Variants in RGS7 observed in about 807,000 individuals in gnomAD.
RGS7 encodes regulator of G protein signaling 7, also known as regulator of G-protein signaling 7.
Under a neutral mutation model 81.1 loss-of-function variants are expected in RGS7, and 27 were observed. The ratio of observed to expected loss-of-function variants is 0.33; its 90% CI spans 0.25 to 0.46. The LOEUF is 0.46. RGS7 is among the 20% of genes least tolerant of loss of function. RGS7 has a pLI of 1.00. For synonymous variants in RGS7, 208 were observed against 207.7 expected, an observed-to-expected ratio of 1.00 and a Z score of -0.01; for missense variants, 396 against 607.4, an observed-to-expected ratio of 0.65 and a Z score of 3.66.
intron 14 of RGS7, among the ~76,000 whole-genome samples, chr1:240,810,473 G>A (rs1485110999): frequency 3.0e-5 from 4 of 131,708 alleles, no homozygotes; most frequent in Non-Finnish European, 6.3e-5. Context: ...TTGAGACAGA[G>A]TCTTGCTCTG....
At chr1:241,265,654 G>A (rs1018417879) in intron 2 of RGS7, among the ~76,000 whole-genome samples, 29 of 152,100 alleles carry the variant, frequency 1.9e-4, no homozygotes, top group African/African-American at 2.4e-5. Flanking sequence ...GCCACAGAGG[G>A]CAGATACAAA....
chr1:240,831,198 T>A (rs1693774627), intron 9 of RGS7, among the ~76,000 whole-genome samples: 3 of 152,112 alleles, frequency 2.0e-5, no homozygotes, highest in Admixed American at 2.0e-4. Flanking sequence ...GCCCTGTAAT[T>A]TCTAATGAGG....
At chr1:241,249,328 A>G (rs1053849229) in intron 2 of RGS7, among the ~76,000 whole-genome samples, 5 of 149,888 alleles carry the variant, frequency 3.3e-5, no homozygotes, top group Non-Finnish European at 7.4e-5. Context: ...TTGGCATTTG[A>G]CTATACCTAA....
In RGS7 at chr1:241,311,693, T is replaced by A. The variant is rs142278768; in HGVS notation, c.78+44006A>T. Reference sequence around the variant, plus strand: ...TTTTTCATTCACTCACAAATGAAACTATGCATAAACAATCACGAAATTCAC... The same window carrying A: ...TTTTTCATTCACTCACAAATGAAACAATGCATAAACAATCACGAAATTCAC... On this transcript the variant is annotated intron_variant, in intron 2 of 18. Transcript: ENST00000440928. 2.2e-4 allele frequency among the ~76,000 whole-genome samples: 33 copies of A among 152,324 alleles called. 1 individual carries two copies. The highest frequency in any genetic ancestry group is 7.2e-4 in the African/African-American group (30 of 41,580).
chr1:241,351,047 A>G (rs768910629), intron 2 of RGS7, among the ~76,000 whole-genome samples: 24 of 152,076 alleles, frequency 1.6e-4, no homozygotes, highest in African/African-American at 5.6e-4. Context: ...CAGCGTAAGT[A>G]CTCTTCCTGG....
rs914679938 is a variant in RGS7 at position 240,868,566 on chromosome 1, G to A, written c.609+21C>T. On this transcript the variant is annotated intron_variant, in intron 9 of 18. Coordinates refer to ENST00000440928, the MANE Select transcript of RGS7 (RefSeq NM_001364886.1). This position sits in a 1 kb window ranked among gnomAD's most constrained non-coding sequence, Gnocchi z 5.1. ...CAGACGGAGAAGATGGATTCAAGAC[G>A]AGAGTGCGACGCTTGCTTACCACGG... is the stretch of plus-strand genomic sequence containing the variant. The A allele has an allele frequency of 6.2e-6, 10 of 1,610,608 alleles. No homozygotes were observed. Among genetic ancestry groups the A allele is most frequent in the South Asian group, 3.3e-5 (3 of 91,006 alleles).
intron 3 of RGS7, among the ~76,000 whole-genome samples, chr1:241,087,179 T>A (rs2063498791): frequency 6.6e-6 from 1 of 152,186 alleles, no homozygotes; most frequent in Non-Finnish European, 1.5e-5. Context: ...ACACATAGGA[T>A]TCCACAGATC....
intron 2 of RGS7, among the ~76,000 whole-genome samples, chr1:241,179,288 G>A (rs12094541): frequency 2.2e-4 from 34 of 152,192 alleles, no homozygotes; most frequent in South Asian, 1.5e-3. Flanking sequence ...AAATAGAGAC[G>A]GGGTTTCACC....
chr1:241,110,163 C>G (rs1283852265), intron 2 of RGS7, among the ~76,000 whole-genome samples: 1 of 152,152 alleles, frequency 6.6e-6, no homozygotes, highest in Non-Finnish European at 1.5e-5. Flanking sequence ...CAAATTATCT[C>G]TTTTTACAAC....
intron 3 of RGS7, among the ~76,000 whole-genome samples, chr1:241,004,092 T>C (rs1401593438): frequency 6.6e-6 from 1 of 152,200 alleles, no homozygotes; most frequent in African/African-American, 2.4e-5. Flanking sequence ...AGAAGCATCA[T>C]TTCTACCCAG....
chr1:241,242,942 C>A (rs1243472852), intron 2 of RGS7, among the ~76,000 whole-genome samples: 1 of 152,180 alleles, frequency 6.6e-6, no homozygotes, highest in African/African-American at 2.4e-5. Flanking sequence ...TCTGTTTATA[C>A]TGCTGATTAT....
intron 3 of RGS7, among the ~76,000 whole-genome samples, chr1:240,986,527 A>C (rs1685689283): frequency 6.6e-6 from 1 of 151,952 alleles, no homozygotes; most frequent in African/African-American, 2.4e-5. Flanking sequence ...AGTATCCTTC[A>C]TGCAAAGAAT....
intron 6 of RGS7, among the ~76,000 whole-genome samples, chr1:240,914,203 C>T (rs1672225207): frequency 6.6e-6 from 1 of 152,090 alleles, no homozygotes; most frequent in Non-Finnish European, 1.5e-5. Context: ...GCTTTGAGAA[C>T]AAACATTGGA....
At chr1:240,951,267 A>G (rs1290263455) in intron 4 of RGS7, among the ~76,000 whole-genome samples, 1 of 152,196 alleles carries the variant, frequency 6.6e-6, no homozygotes, top group Non-Finnish European at 1.5e-5. Context: ...AAAAGTAAGA[A>G]AAACACAGTG....
intron 2 of RGS7, among the ~76,000 whole-genome samples, chr1:241,252,976 T>C (rs2076905144): frequency 6.6e-6 from 1 of 152,180 alleles, no homozygotes; most frequent in Non-Finnish European, 1.5e-5. Context: ...TTCCAGATAT[T>C]TGGGGAAAGC....
chr1:240,937,830 T>C (rs559806199), intron 4 of RGS7, among the ~76,000 whole-genome samples: 21 of 152,306 alleles, frequency 1.4e-4, no homozygotes, highest in Middle Eastern at 3.4e-3. Context: ...ATTGTAAAGA[T>C]TGTTCTAGCT....
At chr1:241,033,198 A>G (rs1262039009) in intron 3 of RGS7, among the ~76,000 whole-genome samples, 4 of 152,136 alleles carry the variant, frequency 2.6e-5, no homozygotes, top group Non-Finnish European at 4.4e-5. Flanking sequence ...TAAAAATACA[A>G]AAATTAACTG....
intron 4 of RGS7, among the ~76,000 whole-genome samples, chr1:240,940,098 A>G (rs146310027): frequency 1.3e-5 from 2 of 152,184 alleles, no homozygotes; most frequent in African/African-American, 4.8e-5. Context: ...AAATTAAATT[A>G]AATTAAGAAA....
chr1:241,101,720 T>G (rs1268320354), intron 2 of RGS7, among the ~76,000 whole-genome samples: 1 of 152,202 alleles, frequency 6.6e-6, no homozygotes, highest in African/African-American at 2.4e-5. Context: ...TGTTCAGAAA[T>G]GCAGAATAAG....
Sources: allele counts gnomAD v4.1 joint callset (sites outside exome capture counted in the v4.1 genomes callset), GRCh38; gene constraint gnomAD v4.1.1; non-coding constraint Gnocchi (gnomAD v3.1); transcripts MANE v1.5; gene names NCBI Gene and HGNC (gene_info 2026-07-23, HGNC 2026-07-21).